Variants in CACNA2D3 observed in about 807,000 individuals in gnomAD.
The protein encoded by CACNA2D3 is calcium voltage-gated channel auxiliary subunit alpha2delta 3.
CACNA2D3 carries 60 observed loss-of-function variants against 160.6 expected under a neutral mutation model. The ratio of observed to expected loss-of-function variants is 0.37; its 90% confidence interval spans 0.30 to 0.46. The LOEUF is 0.46. CACNA2D3 is among the 20% of genes least tolerant of loss of function. The probability of loss-of-function intolerance (pLI) is 1.00; values close to 1 mark genes in which losing one functional copy is unlikely to be tolerated. For synonymous variants in CACNA2D3, 558 were observed against 492.9 expected (o/e 1.13, Z -1.75); for missense variants, 1,205 against 1,365.0 (o/e 0.88, Z 1.85).
intron 35 of CACNA2D3, among the ~76,000 whole-genome samples, chr3:55,023,101 T>G (rs1035969992): frequency 6.6e-6 from 1 of 152,178 alleles, no homozygotes; most frequent in African/African-American, 2.4e-5. Context: ...AAATTTAGTA[T>G]GTACTCAACA....
At chr3:54,889,426 A>C (rs1483318501) in intron 24 of CACNA2D3, among the ~76,000 whole-genome samples, 1 of 152,146 alleles carries the variant, frequency 6.6e-6, no homozygotes, top group African/African-American at 2.4e-5. Context: ...GAAGAGGTCC[A>C]CTTGTGGCTT....
chr3:54,758,687 C>T (rs2107082438), intron 12 of CACNA2D3, among the ~76,000 whole-genome samples: 1 of 152,264 alleles, frequency 6.6e-6, no homozygotes, highest in South Asian at 2.1e-4. Flanking sequence ...ACCAGGGAAG[C>T]CACAGCATCA....
At chr3:54,916,209 G>A (rs763769743) in intron 27 of CACNA2D3, among the ~76,000 whole-genome samples, 16 of 152,174 alleles carry the variant, frequency 1.1e-4, no homozygotes, top group Non-Finnish European at 2.1e-4. Context: ...TCTGGTACAC[G>A]GTACACGGTG....
At chr3:54,455,040 T>C (rs1700373444) in intron 4 of CACNA2D3, among the ~76,000 whole-genome samples, 2 of 152,314 alleles carry the variant, frequency 1.3e-5, no homozygotes, top group Non-Finnish European at 2.9e-5. Flanking sequence ...TTGCGAATAG[T>C]GCTGTGATAA....
At chr3:54,278,120 C>T (rs901123443) in intron 2 of CACNA2D3, among the ~76,000 whole-genome samples, 3 of 152,056 alleles carry the variant, frequency 2.0e-5, no homozygotes, top group Admixed American at 2.0e-4. Flanking sequence ...TATCTAGAAT[C>T]TACAAGGAAG....
intron 2 of CACNA2D3, among the ~76,000 whole-genome samples, chr3:54,255,857 T>A (rs1702283379): frequency 6.6e-6 from 1 of 152,154 alleles, no homozygotes; most frequent in Non-Finnish European, 1.5e-5. Flanking sequence ...CTAAACACAT[T>A]ACTTCCAGAA....
intron 21 of CACNA2D3, among the ~76,000 whole-genome samples, chr3:54,883,991 A>G (rs1044029482): frequency 1.3e-5 from 2 of 152,106 alleles, no homozygotes; most frequent in African/African-American, 2.4e-5. Flanking sequence ...GAAGGCAGTA[A>G]TTTTCGTTTT....
rs184697032 is a variant in CACNA2D3 at position 54,663,931 on chromosome 3, C to T, written c.1167+21690C>T. On this transcript the variant is annotated intron_variant, in intron 11 of 37. Transcript: ENST00000474759. ...TGTTCAGCCTGTCCTTGGTTCATCTCCAGCATTCCTTTCTGCGCTCGCCTT... is the reference window on the plus strand; with the variant it reads ...TGTTCAGCCTGTCCTTGGTTCATCTTCAGCATTCCTTTCTGCGCTCGCCTT... 8.5e-5 allele frequency among the ~76,000 whole-genome samples: 13 copies of T among 152,326 alleles called. No individual in the cohort carries two copies. In the East Asian group the frequency reaches 2.5e-3, roughly 29 times the overall value.
At chr3:55,038,907 TACACACACTGA>T (rs1703895503) in intron 35 of CACNA2D3, among the ~76,000 whole-genome samples, 19 of 112,980 alleles carry the variant, frequency 1.7e-4, no homozygotes, top group South Asian at 6.0e-4. Flanking sequence ...TATATATATA[TACACACACTGA>T]ATATATAAAT....
At chr3:54,784,327 T>A (rs28452444) in intron 13 of CACNA2D3, among the ~76,000 whole-genome samples, 2,859 of 152,262 alleles carry the variant, frequency 0.019, 82 homozygotes, top group African/African-American at 0.065. Flanking sequence ...AGCAGGCCAA[T>A]TAACCTTGGG....
intron 11 of CACNA2D3, among the ~76,000 whole-genome samples, chr3:54,691,987 CT>C (rs368608001): frequency 1.5e-4 from 23 of 150,986 alleles, no homozygotes; most frequent in Admixed American, 4.0e-4. Flanking sequence ...TTCTTTCTTC[CT>C]TTTTTTTTGA....
At chr3:54,814,934 C>T (rs528724323) in intron 13 of CACNA2D3, among the ~76,000 whole-genome samples, 2 of 152,306 alleles carry the variant, frequency 1.3e-5, no homozygotes, top group African/African-American at 4.8e-5. Flanking sequence ...TACTCATGGC[C>T]CCTTGCTTTC....
At chr3:54,736,943 TAC>T (rs1256916071) in intron 11 of CACNA2D3, among the ~76,000 whole-genome samples, 1 of 152,204 alleles carries the variant, frequency 6.6e-6, no homozygotes, top group African/African-American at 2.4e-5. Flanking sequence ...TCATGTATGG[TAC>T]CAGGTTTGGG....
intron 5 of CACNA2D3, among the ~76,000 whole-genome samples, chr3:54,522,000 C>T (rs1701653173): frequency 6.6e-6 from 1 of 152,100 alleles, no homozygotes; most frequent in South Asian, 2.1e-4. Flanking sequence ...TCATATTTTT[C>T]AAGAGTGTTT....
intron 3 of CACNA2D3, among the ~76,000 whole-genome samples, chr3:54,376,238 C>G (rs1699010066): frequency 7.1e-6 from 1 of 140,790 alleles, no homozygotes; most frequent in Non-Finnish European, 1.6e-5. Flanking sequence ...AGAGACTAGG[C>G]AGAGGGAGGC....
intron 11 of CACNA2D3, among the ~76,000 whole-genome samples, chr3:54,730,077 A>G (rs1375705910): frequency 6.6e-6 from 1 of 152,028 alleles, no homozygotes; most frequent in Non-Finnish European, 1.5e-5. Flanking sequence ...CTTTTACCAA[A>G]TATGTATTGG....
chr3:54,360,688 C>T (rs1698726971), intron 3 of CACNA2D3, among the ~76,000 whole-genome samples: 1 of 152,160 alleles, frequency 6.6e-6, no homozygotes, highest in South Asian at 2.1e-4. Flanking sequence ...CAGATGCTGT[C>T]TGCCCTGTCC....
In CACNA2D3 at chr3:54,472,501, C is replaced by G. The variant is rs967061411; in HGVS notation, c.382-30991C>G. Among the ~76,000 whole-genome samples the G allele has an allele frequency of 2.0e-5, 3 of 152,090 alleles. No homozygotes were observed. In the South Asian group the frequency reaches 6.2e-4, roughly 32 times the overall value. On this transcript the variant is annotated intron_variant, in intron 4 of 37. Transcript: ENST00000474759. ...AAACCAACACAACCCTCTCTCACCA[C>G]TCCTATTCAACATAGTATTGGAAGT...
chr3:54,455,451 G>T (rs80053472), intron 4 of CACNA2D3, among the ~76,000 whole-genome samples: 234 of 152,000 alleles, frequency 1.5e-3, no homozygotes, highest in Middle Eastern at 3.4e-3. Context: ...TTCTAATGTT[G>T]TATGAGTTTT....
Sources: allele counts gnomAD v4.1 joint callset (sites outside exome capture counted in the v4.1 genomes callset), GRCh38; gene constraint gnomAD v4.1.1; transcripts MANE v1.5; gene names NCBI Gene and HGNC (gene_info 2026-07-23, HGNC 2026-07-21).